Variants in NCKAP5 observed in about 807,000 individuals in gnomAD.
NCKAP5 encodes nck-associated protein 5.
Under a neutral mutation model 167.0 loss-of-function variants are expected in NCKAP5, and 92 were observed. The ratio of observed to expected loss-of-function variants is 0.55; its 90% CI spans 0.47 to 0.66. The LOEUF is 0.66. NCKAP5 is among the 30% of genes least tolerant of loss of function. The pLI, the probability that NCKAP5 is intolerant of heterozygous loss-of-function variation, is 0.00. For missense variants in NCKAP5, 2,378 were observed against 2,315.0 expected (o/e 1.03, Z -0.56); for synonymous variants, 891 against 877.4 (o/e 1.02, Z -0.27).
intron 18 of NCKAP5, among the ~76,000 whole-genome samples, chr2:132,727,670 C>A (rs1173315929): frequency 1.3e-5 from 2 of 152,200 alleles, no homozygotes; most frequent in Non-Finnish European, 2.9e-5. Context: ...CTCTCAGACC[C>A]ACGTCTTGTG....
chr2:132,940,318 A>G (rs2149096556), intron 8 of NCKAP5, among the ~76,000 whole-genome samples: 1 of 152,256 alleles, frequency 6.6e-6, no homozygotes, highest in East Asian at 1.9e-4. Flanking sequence ...GAGACTAGAG[A>G]TGGTCCTCAA....
At chr2:133,350,386 C>T (rs142765318) in intron 3 of NCKAP5, among the ~76,000 whole-genome samples, 2 of 152,008 alleles carry the variant, frequency 1.3e-5, no homozygotes, top group African/African-American at 4.8e-5. Flanking sequence ...ACATTCCAGC[C>T]TGATCAACAA....
At chr2:133,619,616 C>T in the NCKAP5 span, among the ~76,000 whole-genome samples, 1 of 151,984 alleles carries the variant, frequency 6.6e-6, no homozygotes, top group Non-Finnish European at 1.5e-5. Context: ...AATAAATGTC[C>T]AAACCTAAGA....
At chr2:133,252,361 G>A (rs2088387631) in intron 4 of NCKAP5, among the ~76,000 whole-genome samples, 2 of 152,180 alleles carry the variant, frequency 1.3e-5, no homozygotes, top group South Asian at 4.1e-4. Context: ...AGAAGCAGTT[G>A]CAGAAAAGAG....
At chr2:133,604,953 A>G in the NCKAP5 span, among the ~76,000 whole-genome samples, 1 of 152,212 alleles carries the variant, frequency 6.6e-6, no homozygotes, top group Admixed American at 6.5e-5. Flanking sequence ...TGTACAAGAC[A>G]CAGTGATGAG....
chr2:133,554,540 A>T (rs1687600915), intron 2 of NCKAP5: 1 of 152,136 alleles, frequency 6.6e-6, no homozygotes, highest in Non-Finnish European at 1.5e-5. Context: ...ATTTCTTAGT[A>T]CTCTGATCAG....
At chr2:133,569,393 G>A (rs1007006465), upstream of NCKAP5, among the ~76,000 whole-genome samples, 1 of 152,062 alleles carries the variant, frequency 6.6e-6, no homozygotes, top group South Asian at 2.1e-4. Flanking sequence ...CTGCTATAAC[G>A]ATGCTTACTA....
At chr2:133,170,909 C>T (rs1051045490) in intron 5 of NCKAP5, among the ~76,000 whole-genome samples, 1 of 152,130 alleles carries the variant, frequency 6.6e-6, no homozygotes, top group East Asian at 1.9e-4. Context: ...CTCTTTAAAA[C>T]ACAACCTTCT....
At chr2:133,237,141 C>T (rs766077918) in intron 4 of NCKAP5, among the ~76,000 whole-genome samples, 5 of 151,822 alleles carry the variant, frequency 3.3e-5, no homozygotes, top group Non-Finnish European at 5.9e-5. Context: ...AGAAAATTTA[C>T]TTTATGAAAC....
At chr2:133,082,774 C>T (rs2080855043) in intron 6 of NCKAP5, among the ~76,000 whole-genome samples, 2 of 152,072 alleles carry the variant, frequency 1.3e-5, no homozygotes, top group African/African-American at 4.8e-5. Context: ...TTCCCGATGG[C>T]CTACTGTTTA....
intron 5 of NCKAP5, among the ~76,000 whole-genome samples, chr2:133,201,994 C>G (rs1042922089): frequency 2.3e-4 from 35 of 152,318 alleles, no homozygotes; most frequent in African/African-American, 8.4e-4. Flanking sequence ...CCATCCCCAT[C>G]AGGCTACCAA....
Position 133,288,547 on chromosome 2 carries a change from G to C in NCKAP5, c.143+14490C>G, listed in dbSNP as rs908443858. ...ACCATAACCTCAGAGTTGCTGCTCTGTTTTTTAATATTGTACAATTAACTT... is the reference window on the plus strand; with the variant it reads ...ACCATAACCTCAGAGTTGCTGCTCTCTTTTTTAATATTGTACAATTAACTT... On this transcript the variant is annotated intron_variant, in intron 4 of 19. Transcript: ENST00000409261. 4.6e-5 allele frequency among the ~76,000 whole-genome samples: 7 copies of C among 151,666 alleles called. No homozygotes were observed. The East Asian group carries it at 1.4e-3, about 29-fold the overall frequency.
chr2:133,581,561 C>T, the NCKAP5 span, among the ~76,000 whole-genome samples: 2 of 152,258 alleles, frequency 1.3e-5, no homozygotes, highest in Middle Eastern at 6.8e-3. Context: ...ATTAAATAAT[C>T]CTGCTTTCTG....
At chr2:133,639,659 T>C in the NCKAP5 span, among the ~76,000 whole-genome samples, 3 of 152,132 alleles carry the variant, frequency 2.0e-5, no homozygotes, top group African/African-American at 4.8e-5. Context: ...GGGGAACATC[T>C]TCCTGATGAA....
Position 132,767,316 on chromosome 2 carries a change from G to A in NCKAP5, c.5128+6500C>T, listed in dbSNP as rs1320693966. On this transcript the variant is annotated intron_variant, in intron 16 of 19. Transcript: ENST00000409261. ...GGCTGGAGTGCAATGGTGCAATCTCGGCTCACCGCAACCTCCGCCTCCCAG... is the reference window on the plus strand; with the variant it reads ...GGCTGGAGTGCAATGGTGCAATCTCAGCTCACCGCAACCTCCGCCTCCCAG... Among the ~76,000 whole-genome samples the A allele has an allele frequency of 6.6e-5, 10 of 151,818 alleles. 1 individual carries two copies. The highest frequency in any genetic ancestry group is 6.6e-5 in the Admixed American group (1 of 15,252).
At chr2:133,643,864 C>A in the NCKAP5 span, among the ~76,000 whole-genome samples, 1 of 152,128 alleles carries the variant, frequency 6.6e-6, no homozygotes, top group African/African-American at 2.4e-5. Context: ...AGCATTTATA[C>A]CTTTGGCTTC....
intron 19 of NCKAP5, among the ~76,000 whole-genome samples, chr2:132,693,175 G>A (rs1482546337): frequency 1.3e-5 from 2 of 152,124 alleles, no homozygotes; most frequent in African/African-American, 4.8e-5. Flanking sequence ...TCTGCTTCTT[G>A]GCTTCACGTA....
chr2:132,873,684 T>A (rs997666764), intron 9 of NCKAP5, among the ~76,000 whole-genome samples: 1 of 152,190 alleles, frequency 6.6e-6, no homozygotes. Flanking sequence ...GAAGTTCTCT[T>A]CTAATTCAAA....
chr2:132,788,196 C>T (rs1683750002), intron 13 of NCKAP5, among the ~76,000 whole-genome samples: 1 of 152,180 alleles, frequency 6.6e-6, no homozygotes, highest in South Asian at 2.1e-4. Context: ...GCAGATCCAT[C>T]CTTTGCTGCG....
Sources: allele counts gnomAD v4.1 joint callset (sites outside exome capture counted in the v4.1 genomes callset), GRCh38; gene constraint gnomAD v4.1.1; transcripts MANE v1.5; gene names NCBI Gene and HGNC (gene_info 2026-07-23, HGNC 2026-07-21).